ATP10A: variants seen among roughly 807,000 people sequenced by gnomAD.
ATP10A encodes phospholipid-transporting ATPase VA.
ATP10A carries 111 observed loss-of-function variants against 147.8 expected under a neutral mutation model. That is an observed-to-expected ratio of 0.75 (90% CI 0.64 to 0.88). The LOEUF is 0.88. ATP10A is among the 40% of genes least tolerant of loss of function. ATP10A has a pLI of 0.00. For synonymous variants in ATP10A, 875 were observed against 841.6 expected (o/e 1.04, Z -0.69); for missense variants, 1,927 against 1,959.0 (o/e 0.98, Z 0.31).
At chr15:25,843,638 T>C (rs1892903720) in intron 1 of ATP10A, among the ~76,000 whole-genome samples, 1 of 152,176 alleles carries the variant, frequency 6.6e-6, no homozygotes, top group East Asian at 1.9e-4. Flanking sequence ...CCAGACTCCA[T>C]CTACTCAGAG....
intron 1 of ATP10A, chr15:25,841,819 T>C (rs1248051660): frequency 3.3e-5 from 5 of 152,242 alleles, no homozygotes; most frequent in Admixed American, 3.3e-4. Flanking sequence ...GGTGCAACTG[T>C]AAATGGTATT....
intron 2 of ATP10A, among the ~76,000 whole-genome samples, chr15:25,780,626 G>A (rs1889871144): frequency 6.6e-6 from 1 of 152,216 alleles, no homozygotes; most frequent in Non-Finnish European, 1.5e-5. Flanking sequence ...CACCCTTGAG[G>A]AGAAAATGTT....
intron 7 of ATP10A, among the ~76,000 whole-genome samples, chr15:25,718,998 A>C (rs917841730): frequency 2.6e-5 from 4 of 152,178 alleles, no homozygotes; most frequent in African/African-American, 9.7e-5. Context: ...CAAATTCCCC[A>C]TGACCTGGTG....
chr15:25,719,098 G>GAGGA (rs1240856694), intron 7 of ATP10A, among the ~76,000 whole-genome samples: 1 of 152,208 alleles, frequency 6.6e-6, no homozygotes, highest in African/African-American at 2.4e-5. Context: ...TTTGCCCAGG[G>GAGGA]AGGACAGCTT....
Position 25,746,829 on chromosome 15 carries a change from G to A in ATP10A, c.655-10688C>T, listed in dbSNP as rs1160547483. 2.0e-5 allele frequency among the ~76,000 whole-genome samples: 3 copies of A among 152,082 alleles called. No individual in the cohort carries two copies. In the East Asian group the frequency reaches 5.8e-4, roughly 29 times the overall value. On this transcript the variant is annotated intron_variant, in intron 2 of 20. Coordinates refer to ENST00000555815, the MANE Select transcript of ATP10A (RefSeq NM_024490.4). ...ACTCGGAAACTCCAAAATCCAAAAT[G>A]CTTCAAGATCTAAAACTTTTTGTGT...
downstream of ATP10A, chr15:25,677,317 C>T (rs1231130074): frequency 6.6e-6 from 1 of 152,122 alleles, no homozygotes. Context: ...ATAATACTCC[C>T]CATCCTAAAG....
At chr15:25,749,174 A>G (rs1237580647) in intron 2 of ATP10A, among the ~76,000 whole-genome samples, 1 of 152,108 alleles carries the variant, frequency 6.6e-6, no homozygotes, top group African/African-American at 2.4e-5. Context: ...ATATGCATGT[A>G]TACTATATTT....
intron 1 of ATP10A, among the ~76,000 whole-genome samples, chr15:25,810,742 G>T (rs1654186982): frequency 6.6e-6 from 1 of 152,048 alleles, no homozygotes; most frequent in African/African-American, 2.4e-5. Flanking sequence ...AAAAGTAAAA[G>T]CCTCCCACGG....
chr15:25,795,401 A>G lies in ATP10A; in HGVS notation c.450-14178T>C, dbSNP rs985705756. Among the ~76,000 whole-genome samples the G allele has an allele frequency of 3.1e-4, 47 of 152,006 alleles. 1 individual carries two copies. Among genetic ancestry groups the G allele is most frequent in the African/African-American group, 1.1e-3 (47 of 41,388 alleles). ...GGGCTTTCCCTGCCACCTGCTGAGAAGAGAGAGTGACAGCCTCTTCCCTAC... is the reference window on the plus strand; with the variant it reads ...GGGCTTTCCCTGCCACCTGCTGAGAGGAGAGAGTGACAGCCTCTTCCCTAC... On this transcript the variant is annotated intron_variant, in intron 1 of 20. Coordinates refer to ENST00000555815, the MANE Select transcript of ATP10A (RefSeq NM_024490.4).
At chr15:25,862,547 C>G in intron 1 of ATP10A, 101 bp downstream of exon 1, 2 of 1,326,552 alleles carry the variant, frequency 1.5e-6, no homozygotes, top group Non-Finnish European at 2.0e-6. Context: ...GAGCTGCCTT[C>G]TAAGCACCCA....
chr15:25,710,260 G>A (rs1779703944), intron 10 of ATP10A: 1 of 152,302 alleles, frequency 6.6e-6, no homozygotes, highest in Admixed American at 6.5e-5. Flanking sequence ...CACCACCTGA[G>A]GGAGTGGGAC....
At chr15:25,831,972 T>C (rs1042585664) in intron 1 of ATP10A, among the ~76,000 whole-genome samples, 1 of 152,270 alleles carries the variant, frequency 6.6e-6, no homozygotes, top group South Asian at 2.1e-4. Context: ...AATACGATCC[T>C]TGCAGATATA....
chr15:25,730,150 AAAT>A (rs1418938010), intron 3 of ATP10A, among the ~76,000 whole-genome samples: 1 of 151,708 alleles, frequency 6.6e-6, no homozygotes, highest in Admixed American at 6.6e-5. Flanking sequence ...AAAAAAAAAA[AAAT>A]AGCCAGGCAT....
chr15:25,785,735 G>A (rs148707405), intron 1 of ATP10A, among the ~76,000 whole-genome samples: 2 of 152,302 alleles, frequency 1.3e-5, no homozygotes, highest in South Asian at 2.1e-4. Context: ...TTATCAGCAC[G>A]GACCTCTAGA....
chr15:25,824,253 GATT>G (rs1307724525), intron 1 of ATP10A, among the ~76,000 whole-genome samples: 1 of 152,074 alleles, frequency 6.6e-6, no homozygotes, highest in East Asian at 1.9e-4. Flanking sequence ...ATGGCAGGAG[GATT>G]ACTTGAGCCC....
intron 2 of ATP10A, among the ~76,000 whole-genome samples, chr15:25,743,931 TAC>T (rs1453230116): frequency 6.6e-6 from 1 of 152,162 alleles, no homozygotes; most frequent in East Asian, 1.9e-4. Flanking sequence ...TAATTCCACT[TAC>T]AACCTCCATT....
At chr15:25,838,561 G>A (rs558351530) in intron 1 of ATP10A, among the ~76,000 whole-genome samples, 8 of 152,264 alleles carry the variant, frequency 5.3e-5, no homozygotes, top group East Asian at 3.9e-4. Context: ...CTGAGGTGTC[G>A]CCCTTTAATC....
Position 25,736,027 on chromosome 15 carries a change from A to G in ATP10A, c.740+29T>C, listed in dbSNP as rs375453954. 1.6e-5 allele frequency: 25 copies of G among 1,561,242 alleles called. No homozygotes were observed. The African/African-American group carries it at 2.7e-4, about 17-fold the overall frequency. On this transcript the variant is annotated intron_variant, in intron 3 of 20. Transcript: ENST00000555815. Reference sequence around the variant, plus strand: ...GCCTATGTAGTTATCAAACAGAAGGATGCGCGCAGGCAGACACACGATACT... The same window carrying G: ...GCCTATGTAGTTATCAAACAGAAGGGTGCGCGCAGGCAGACACACGATACT...
At chr15:25,730,757 A>G (rs1381267454) in intron 3 of ATP10A, among the ~76,000 whole-genome samples, 2 of 152,202 alleles carry the variant, frequency 1.3e-5, no homozygotes, top group African/African-American at 2.4e-5. Flanking sequence ...AGATGTTCAT[A>G]TTTTTGTATA....
Sources: allele counts gnomAD v4.1 joint callset (sites outside exome capture counted in the v4.1 genomes callset), GRCh38; gene constraint gnomAD v4.1.1; transcripts MANE v1.5; gene names NCBI Gene and HGNC (gene_info 2026-07-23, HGNC 2026-07-21).